The following SETD5 variants were observed in gnomAD, a reference collection of about 807,000 sequenced individuals.
SETD5 encodes the protein histone-lysine N-methyltransferase SETD5.
In SETD5, 44 loss-of-function variants were observed where a neutral mutation model predicts 153.3. That is an observed-to-expected ratio of 0.29 (90% confidence interval 0.23 to 0.37). The LOEUF (loss-of-function observed/expected upper bound fraction) is 0.37, where lower values mean the gene tolerates loss of function less well. SETD5 is among the 10% of genes least tolerant of loss of function. SETD5 has a pLI of 1.00. For missense variants in SETD5, 1,544 were observed against 1,768.0 expected (o/e 0.87, Z 2.27); for synonymous variants, 716 against 645.2 (o/e 1.11, Z -1.66).
At chr3:9,469,643 ATATGG>A (rs2045063573) in intron 18 of SETD5, among the ~76,000 whole-genome samples, 1 of 152,202 alleles carries the variant, frequency 6.6e-6, no homozygotes, top group African/African-American at 2.4e-5. Context: ...TTGAAGACTG[ATATGG>A]TATGGTATCT....
intron 2 of SETD5, among the ~76,000 whole-genome samples, chr3:9,425,713 T>G (rs989523380): frequency 1.7e-4 from 26 of 152,074 alleles, no homozygotes; most frequent in African/African-American, 6.3e-4. Context: ...GTAGCTGGGA[T>G]CACAGGCATA....
rs773019569 is a variant in SETD5, at chr3:9,470,758, T to G, written c.3024T>G (p.Asp1008Glu). ...ATCGAGGATCTCCTCTAGTGGGGGATAGGAAGCCTTTACATTTGGATGGGG... is the reference window on the plus strand; with the variant it reads ...ATCGAGGATCTCCTCTAGTGGGGGAGAGGAAGCCTTTACATTTGGATGGGG... Reference protein sequence around the residue: ...GLYRGSPLVGDRKPLHLDGGY... With the variant: ...GLYRGSPLVGERKPLHLDGGY... Residue 1008 changes from aspartate to glutamate, a missense_variant, in exon 19 of 23, where the codon GAT becomes GAG. Coordinates refer to ENST00000402198, the MANE Select transcript of SETD5 (RefSeq NM_001080517.3). 6.2e-7 allele frequency: 1 copy of G among 1,613,884 alleles called. No individual in the cohort carries two copies. Among genetic ancestry groups the G allele is most frequent in the Non-Finnish European group, 8.5e-7 (1 of 1,179,878 alleles).
At chr3:9,470,433 G>C (rs1360965746) in intron 18 of SETD5, 26 bp from the exon 19 acceptor site, 4 of 1,579,260 alleles carry the variant, frequency 2.5e-6, no homozygotes, top group Non-Finnish European at 3.5e-6. Context: ...CCTACCCCAT[G>C]TCTCCGTTGA....
intron 1 of SETD5, among the ~76,000 whole-genome samples, chr3:9,410,201 C>T (rs955630711): frequency 5.3e-5 from 8 of 152,236 alleles, no homozygotes; most frequent in Non-Finnish European, 8.8e-5. Flanking sequence ...GGATACTATA[C>T]GCAGTTGTAA....
At chr3:9,469,860 T>C (rs536759296) in intron 18 of SETD5, among the ~76,000 whole-genome samples, 53 of 152,318 alleles carry the variant, frequency 3.5e-4, no homozygotes, top group Non-Finnish European at 2.8e-4. Context: ...CAGAAAGTTG[T>C]ATGAGAAACA....
At position 9,447,323 on chromosome 3, in the gene SETD5, A is replaced by G. The variant is rs370668200; in HGVS notation, c.1782+16A>G. ...CCAAGCAGGGGTAAGAGTTGAAAAG[A>G]CTTCAGCACTTAGACATCCTCACCT... On this transcript the variant is annotated intron_variant, in intron 14 of 22. Transcript: ENST00000402198. 5.0e-6 allele frequency: 8 copies of G among 1,598,188 alleles called. No individual in the cohort carries two copies. The highest frequency in any genetic ancestry group is 6.8e-6 in the Non-Finnish European group (8 of 1,174,568).
intron 1 of SETD5, among the ~76,000 whole-genome samples, chr3:9,413,514 G>A (rs1004584968): frequency 1.8e-4 from 28 of 151,938 alleles, no homozygotes; most frequent in African/African-American, 6.0e-4. Flanking sequence ...TTTTTCTCTA[G>A]GATTCTTTGC....
Position 9,453,886 on chromosome 3 carries a change from T to C in SETD5, c.2476+18T>C, listed in dbSNP as rs776341511. On this transcript the variant is annotated intron_variant, in intron 17 of 22. Transcript: ENST00000402198. ...CAATGCAGGTACGTATCTAAAACCT[T>C]TCTGATTATATGACCAATGATTGTT... The C allele has an allele frequency of 1.3e-6, 2 of 1,522,306 alleles. No individual in the cohort carries two copies. Among genetic ancestry groups the C allele is most frequent in the Non-Finnish European group, 1.8e-6 (2 of 1,139,466 alleles). The allele number at this position is 1,522,306 out of a possible 1,614,324, so 94.3% of individuals were successfully genotyped here. A position where few individuals can be genotyped will look rare whatever the true frequency, so the allele number is the denominator to read the frequency against.
intron 7 of SETD5, chr3:9,436,937 G>A (rs1473993680): frequency 4.0e-6 from 6 of 1,518,986 alleles, no homozygotes; most frequent in South Asian, 1.2e-5. Flanking sequence ...CTGTGATCTT[G>A]CATTTTGGTC....
intron 1 of SETD5, among the ~76,000 whole-genome samples, chr3:9,407,184 C>T (rs753123071): frequency 2.6e-5 from 4 of 151,996 alleles, no homozygotes; most frequent in African/African-American, 9.7e-5. Flanking sequence ...AAAAATTACC[C>T]GGGCATGGTG....
At chr3:9,415,900 G>A (rs990099605) in intron 1 of SETD5, among the ~76,000 whole-genome samples, 1 of 149,144 alleles carries the variant, frequency 6.7e-6, no homozygotes, top group East Asian at 2.0e-4. Context: ...TTAAAGACAG[G>A]CTCTGGTTCT....
chr3:9,443,619 C>T (rs1437734152), intron 11 of SETD5, among the ~76,000 whole-genome samples: 2 of 151,334 alleles, frequency 1.3e-5, no homozygotes, highest in Admixed American at 6.6e-5. Flanking sequence ...TTGTATGATA[C>T]TGCTCACAAA....
rs184985617 is a variant in SETD5 at position 9,430,234 on chromosome 3, G to A, written c.71+1225G>A. On this transcript the variant is annotated intron_variant, in intron 3 of 22. Coordinates refer to ENST00000402198, the MANE Select transcript of SETD5 (RefSeq NM_001080517.3). ...AAGAGCATGTATATTTCTTCATAAA[G>A]CCACCTAATATAACTTACCTGTTTA... The A allele has an allele frequency of 2.6e-4, 258 of 984,984 alleles. 1 individual carries two copies. The South Asian group carries it at 4.6e-3, about 18-fold the overall frequency. The allele number at this position is 984,984 out of a possible 1,614,324, so 61.0% of individuals were successfully genotyped here. A position where few individuals can be genotyped will look rare whatever the true frequency, so the allele number is the denominator to read the frequency against.
rs374208065 is a variant in SETD5, at chr3:9,464,435, C to T, written c.2487C>T (p.Ser829=). Reference sequence around the variant, plus strand: ...CTTTGTGTTTCACAGACTTGTTGAGCCCATTAAAGAAATGGAAGTCTCGCT... The same window carrying T: ...CTTTGTGTTTCACAGACTTGTTGAGTCCATTAAAGAAATGGAAGTCTCGCT... ...SICKDNADLL[S]PLKKWKSRYL... Residue 829 remains serine, a synonymous_variant, in exon 18 of 23, where the codon AGC becomes AGT. Transcript: ENST00000402198. The T allele has an allele frequency of 1.4e-5, 22 of 1,609,380 alleles. No homozygotes were observed. The highest frequency in any genetic ancestry group is 1.5e-5 in the Non-Finnish European group (18 of 1,176,140).
chr3:9,442,998 C>A, intron 10 of SETD5: 1 of 220,226 alleles, frequency 4.5e-6, no homozygotes, highest in Non-Finnish European at 9.3e-6. Context: ...CGAGATCACG[C>A]CACTCCACTC....
chr3:9,467,930 A>G (rs2044805950), intron 18 of SETD5, among the ~76,000 whole-genome samples: 1 of 151,702 alleles, frequency 6.6e-6, no homozygotes, highest in African/African-American at 2.4e-5. Flanking sequence ...CCAAGAACCA[A>G]CTCTAGCCTG....
intron 18 of SETD5, among the ~76,000 whole-genome samples, chr3:9,470,090 C>G (rs1298248445): frequency 6.6e-6 from 1 of 152,160 alleles, no homozygotes; most frequent in African/African-American, 2.4e-5. Context: ...TTGTTTTGTG[C>G]ATGGGGCTAA....
intron 7 of SETD5, 144 bp from the exon 8 acceptor site, chr3:9,440,312 C>T (rs1019112054): frequency 1.7e-6 from 1 of 603,028 alleles, no homozygotes; most frequent in African/African-American, 1.9e-5. Flanking sequence ...ACCAGATCCT[C>T]TGACTCCCAG....
intron 1 of SETD5, among the ~76,000 whole-genome samples, chr3:9,416,141 T>A (rs1453779253): frequency 6.6e-6 from 1 of 152,008 alleles, no homozygotes; most frequent in Non-Finnish European, 1.5e-5. Flanking sequence ...CATTTTTCCA[T>A]TGGAAGGTGT....
Sources: allele counts gnomAD v4.1 joint callset (sites outside exome capture counted in the v4.1 genomes callset), GRCh38; gene constraint gnomAD v4.1.1; transcripts MANE v1.5; gene names NCBI Gene and HGNC (gene_info 2026-07-23, HGNC 2026-07-21).